ANO6: variants seen among roughly 807,000 people sequenced by gnomAD.
The protein encoded by ANO6 is anoctamin-6.
ANO6 carries 106 observed loss-of-function variants against 117.5 expected under a neutral mutation model. The observed-to-expected ratio is 0.90, with a 90% CI of 0.77 to 1.06. The LOEUF is 1.06. Ranked by LOEUF, ANO6 falls within the 50% of genes least tolerant of loss-of-function variation. The pLI is 0.00. For synonymous variants in ANO6, 367 were observed against 385.1 expected, an observed-to-expected ratio of 0.95 and a Z score of 0.55; for missense variants, 955 against 1,121.1, an observed-to-expected ratio of 0.85 and a Z score of 2.12.
chr12:45,288,319 A>C (rs1017560720), intron 1 of ANO6, among the ~76,000 whole-genome samples: 12 of 152,224 alleles, frequency 7.9e-5, no homozygotes, highest in Non-Finnish European at 1.2e-4. Context: ...ATTGTTGTGC[A>C]ACCATCACCA....
intron 2 of ANO6, among the ~76,000 whole-genome samples, chr12:45,303,873 G>A (rs1023352564): frequency 6.6e-6 from 1 of 152,166 alleles, no homozygotes; most frequent in Non-Finnish European, 1.5e-5. Flanking sequence ...TTATTTTTCA[G>A]TCTCACGCTT....
chr12:45,362,886 T>C (rs1941590950), intron 8 of ANO6, among the ~76,000 whole-genome samples: 3 of 152,168 alleles, frequency 2.0e-5, no homozygotes, highest in Admixed American at 6.5e-5. Flanking sequence ...TTACCAACAG[T>C]TTCATAATTG....
intron 1 of ANO6, among the ~76,000 whole-genome samples, chr12:45,290,642 T>C (rs1375438238): frequency 6.6e-6 from 1 of 152,234 alleles, no homozygotes; most frequent in African/African-American, 2.4e-5. Flanking sequence ...TTGCCATTTA[T>C]AGAATATCAG....
intron 1 of ANO6, among the ~76,000 whole-genome samples, chr12:45,268,357 C>A (rs1336971604): frequency 6.6e-6 from 1 of 151,814 alleles, no homozygotes. Context: ...CCCATCTCTA[C>A]AAAAATACAA....
rs1565632142 is a variant in ANO6, at chr12:45,228,321, ATTAGAGATTGG to A, written c.70+11932_70+11942del. On this transcript the variant is annotated intron_variant, in intron 1 of 19. Coordinates refer to ENST00000320560, the MANE Select transcript of ANO6 (RefSeq NM_001025356.3). ...TTTTTTTTTTTTTTTTTTTTTTATT[ATTAGAGATTGG>A]TCTCACTATGTTGCCCAGCTGGTCC... 3.8e-4 allele frequency: 53 copies of A among 141,018 alleles called. 1 individual carries two copies. Among genetic ancestry groups the A allele is most frequent in the South Asian group, 2.0e-3 (31 of 15,272 alleles). 8.7% of individuals were successfully genotyped at this position (141,018 alleles called of 1,614,324 possible).
intron 1 of ANO6, among the ~76,000 whole-genome samples, chr12:45,239,245 A>T (rs1947698726): frequency 6.6e-6 from 1 of 152,200 alleles, no homozygotes; most frequent in Non-Finnish European, 1.5e-5. Flanking sequence ...GCAGAGATTC[A>T]ACTTATTCCT....
chr12:45,350,336 G>T (rs1941247643), intron 6 of ANO6, among the ~76,000 whole-genome samples: 1 of 152,090 alleles, frequency 6.6e-6, no homozygotes, highest in African/African-American at 2.4e-5. Flanking sequence ...TTGGGCACTT[G>T]GGTGGCCCAA....
chr12:45,228,175 G>A (rs1177059835), intron 1 of ANO6: 1 of 430,260 alleles, frequency 2.3e-6, no homozygotes, highest in Non-Finnish European at 4.5e-6. Flanking sequence ...CAGGGCTGAA[G>A]TGCAGTAGTG....
chr12:45,231,720 A>C (rs1444760744), intron 1 of ANO6, among the ~76,000 whole-genome samples: 1 of 152,198 alleles, frequency 6.6e-6, no homozygotes, highest in Non-Finnish European at 1.5e-5. Context: ...AATAGTACTT[A>C]GTGACCACTG....
chr12:45,226,557 G>A (rs531917260), intron 1 of ANO6, among the ~76,000 whole-genome samples: 1 of 152,100 alleles, frequency 6.6e-6, no homozygotes, highest in South Asian at 2.1e-4. Context: ...GCAAATTACA[G>A]GCTTATTTAT....
chr12:45,301,412 A>G (rs1385145625), intron 1 of ANO6, among the ~76,000 whole-genome samples: 2 of 152,002 alleles, frequency 1.3e-5, no homozygotes, highest in Non-Finnish European at 2.9e-5. Flanking sequence ...CCTGGGCAAT[A>G]TAGGGATACC....
intron 2 of ANO6, among the ~76,000 whole-genome samples, chr12:45,303,117 A>C (rs1016154326): frequency 6.6e-6 from 1 of 152,190 alleles, no homozygotes; most frequent in South Asian, 2.1e-4. Flanking sequence ...GGCACATAAA[A>C]CTGTATCCAC....
chr12:45,335,538 C>CA (rs1940799463), intron 3 of ANO6: 1 of 151,910 alleles, frequency 6.6e-6, no homozygotes, highest in South Asian at 2.1e-4. Flanking sequence ...CAAAATGCAC[C>CA]AAAACGCAAA....
At chr12:45,418,829 T>G (rs1284794835) in intron 17 of ANO6, among the ~76,000 whole-genome samples, 1 of 152,218 alleles carries the variant, frequency 6.6e-6, no homozygotes, top group Non-Finnish European at 1.5e-5. Context: ...GGAAAACTGC[T>G]TATTAGATTT....
At chr12:45,420,801 AG>A (rs1943339132) in intron 17 of ANO6, among the ~76,000 whole-genome samples, 2 of 106,798 alleles carry the variant, frequency 1.9e-5, no homozygotes, top group Admixed American at 1.7e-4. Context: ...ACCTGAGACC[AG>A]GAGTTCGAGA....
At chr12:45,333,295 C>T (rs1385033979) in intron 3 of ANO6, among the ~76,000 whole-genome samples, 1 of 151,952 alleles carries the variant, frequency 6.6e-6, no homozygotes, top group African/African-American at 2.4e-5. Flanking sequence ...AATTTTATCA[C>T]TAAAGTAAAA....
chr12:45,367,948 T>G (rs1038043199), intron 9 of ANO6, among the ~76,000 whole-genome samples, 155 bp downstream of exon 9: 1 of 152,246 alleles, frequency 6.6e-6, no homozygotes, highest in Non-Finnish European at 1.5e-5. Flanking sequence ...TATACAATGC[T>G]TTATTCCTCT....
At chr12:45,229,855 A>C (rs2137137849) in intron 1 of ANO6, among the ~76,000 whole-genome samples, 1 of 151,846 alleles carries the variant, frequency 6.6e-6, no homozygotes, top group South Asian at 2.1e-4. Flanking sequence ...CTGAATGATT[A>C]ACACAACTTC....
intron 1 of ANO6, among the ~76,000 whole-genome samples, chr12:45,245,274 A>G (rs117029762): frequency 0.022 from 3,335 of 152,262 alleles, 64 homozygotes; most frequent in East Asian, 0.068. Flanking sequence ...AAATTTTTGT[A>G]TTATTTTCTT....
Sources: allele counts gnomAD v4.1 joint callset (sites outside exome capture counted in the v4.1 genomes callset), GRCh38; gene constraint gnomAD v4.1.1; transcripts MANE v1.5; gene names NCBI Gene and HGNC (gene_info 2026-07-23, HGNC 2026-07-21).